LARGE1: variants seen among roughly 807,000 people sequenced by gnomAD.
LARGE1 encodes xylosyl- and glucuronyltransferase LARGE1.
Under a neutral mutation model 87.6 loss-of-function variants are expected in LARGE1, and 43 were observed. The observed-to-expected ratio is 0.49, with a 90% confidence interval of 0.38 to 0.63. The LOEUF is 0.63. Among genes scored for constraint, LARGE1 ranks in the 30% least tolerant of loss-of-function variants. The probability of loss-of-function intolerance (pLI) is 0.00; values close to 1 mark genes in which losing one functional copy is unlikely to be tolerated. For missense variants in LARGE1, 802 were observed against 1,000.2 expected, an observed-to-expected ratio of 0.80 and a Z score of 2.67; for synonymous variants, 434 against 394.6, an observed-to-expected ratio of 1.10 and a Z score of -1.18.
downstream of LARGE1, among the ~76,000 whole-genome samples, chr22:33,271,939 G>A (rs1928274604): frequency 6.6e-6 from 1 of 152,206 alleles, no homozygotes; most frequent in Non-Finnish European, 1.5e-5. Flanking sequence ...TAAATTCACT[G>A]TACGTGAAGG....
chr22:33,413,712 G>A (rs1339114075), intron 7 of LARGE1, among the ~76,000 whole-genome samples: 9 of 151,986 alleles, frequency 5.9e-5, no homozygotes, highest in Admixed American at 1.3e-4. Context: ...TGATCTGCCC[G>A]CCTCGGCCTC....
chr22:33,431,341 T>G (rs979106940), intron 7 of LARGE1, among the ~76,000 whole-genome samples: 1 of 152,138 alleles, frequency 6.6e-6, no homozygotes, highest in African/African-American at 2.4e-5. Context: ...GATGGATGAA[T>G]GAAGGACACC....
chr22:33,512,011 TGA>T, intron 6 of LARGE1, among the ~76,000 whole-genome samples: 1 of 152,266 alleles, frequency 6.6e-6, no homozygotes, highest in East Asian at 1.9e-4. Context: ...TGTAAAGCCA[TGA>T]TTTTTTTCCT....
At chr22:33,204,503 C>A (rs773364445) in intron 11 of LARGE1, among the ~76,000 whole-genome samples, 1 of 152,090 alleles carries the variant, frequency 6.6e-6, no homozygotes, top group Admixed American at 6.6e-5. Flanking sequence ...TCCTATAAAC[C>A]TCCACTCTCC....
chr22:33,304,613 T>G, intron 11 of LARGE1, 106 bp from the exon 12 acceptor site: 1 of 1,213,416 alleles, frequency 8.2e-7, no homozygotes, highest in Non-Finnish European at 1.1e-6. Context: ...CAACCAGCTG[T>G]GGATCAAATC....
At chr22:33,328,602 AAT>A (rs1200059385) in intron 10 of LARGE1, among the ~76,000 whole-genome samples, 3 of 150,494 alleles carry the variant, frequency 2.0e-5, no homozygotes, top group African/African-American at 7.3e-5. Context: ...TAATAATAAT[AAT>A]AATAAAATAA....
chr22:33,133,887 G>A, the LARGE1 span, among the ~76,000 whole-genome samples: 1 of 152,092 alleles, frequency 6.6e-6, no homozygotes, highest in Admixed American at 6.5e-5. Context: ...ATGTGTGCTG[G>A]GTTAAAGATG....
chr22:33,730,198 T>C (rs901037479), intron 2 of LARGE1, among the ~76,000 whole-genome samples: 2 of 152,212 alleles, frequency 1.3e-5, no homozygotes, highest in Non-Finnish European at 2.9e-5. Flanking sequence ...TATGATGATC[T>C]GCTTCTACTT....
intron 4 of LARGE1, among the ~76,000 whole-genome samples, chr22:33,609,192 C>T (rs1054068631): frequency 1.3e-4 from 20 of 152,162 alleles, no homozygotes; most frequent in East Asian, 1.9e-4. Flanking sequence ...AGGCAGCTTA[C>T]GATCTTGGAG....
At chr22:33,515,266 T>C (rs2071250288) in intron 6 of LARGE1, among the ~76,000 whole-genome samples, 1 of 152,212 alleles carries the variant, frequency 6.6e-6, no homozygotes, top group South Asian at 2.1e-4. Flanking sequence ...CCCTAGACTT[T>C]CGCTCCAAAT....
At chr22:33,681,353 G>C (rs1249416526) in intron 2 of LARGE1, among the ~76,000 whole-genome samples, 1 of 152,300 alleles carries the variant, frequency 6.6e-6, no homozygotes, top group Non-Finnish European at 1.5e-5. Flanking sequence ...GTTGTTAGGA[G>C]CAAGGAGTCA....
chr22:33,142,982 G>A, the LARGE1 span, among the ~76,000 whole-genome samples: 1 of 152,200 alleles, frequency 6.6e-6, no homozygotes, highest in African/African-American at 2.4e-5. Flanking sequence ...AAAATCTGTA[G>A]TGTCCTACAT....
intron 1 of LARGE1, among the ~76,000 whole-genome samples, chr22:33,913,426 G>A (rs928866764): frequency 3.3e-5 from 5 of 152,284 alleles, no homozygotes; most frequent in Admixed American, 6.5e-5. Context: ...TTAGGTTAGC[G>A]GTAATGACAG....
intron 2 of LARGE1, among the ~76,000 whole-genome samples, chr22:33,670,899 T>C (rs2081388698): frequency 6.6e-6 from 1 of 152,148 alleles, no homozygotes; most frequent in African/African-American, 2.4e-5. Flanking sequence ...AGGACATAAA[T>C]GCTTAATAAC....
chr22:33,498,671 C>G (rs2070275491), intron 6 of LARGE1, among the ~76,000 whole-genome samples: 1 of 152,114 alleles, frequency 6.6e-6, no homozygotes, highest in South Asian at 2.1e-4. Flanking sequence ...AGGGCGTGTT[C>G]TTTATAAAAA....
the LARGE1 span, among the ~76,000 whole-genome samples, chr22:33,092,088 C>G: frequency 6.6e-6 from 1 of 152,012 alleles, no homozygotes; most frequent in South Asian, 2.1e-4. Flanking sequence ...TTAGTAGAGA[C>G]AGGGTTTCAC....
the LARGE1 span, among the ~76,000 whole-genome samples, chr22:33,098,537 C>T: frequency 1.3e-5 from 2 of 152,268 alleles, no homozygotes; most frequent in South Asian, 2.1e-4. Flanking sequence ...AGGAGAATGG[C>T]GTGAACCCAG....
chr22:33,746,597 T>C (rs1001876504), intron 2 of LARGE1: 5 of 152,236 alleles, frequency 3.3e-5, no homozygotes, highest in South Asian at 2.1e-4. Context: ...TAGGCAATGT[T>C]ATTAGAGTCC....
intron 6 of LARGE1, among the ~76,000 whole-genome samples, chr22:33,503,002 GTC>G (rs1366018650): frequency 2.0e-5 from 3 of 152,152 alleles, no homozygotes; most frequent in Non-Finnish European, 4.4e-5. Context: ...AAAACCCAAG[GTC>G]ACTGAGGTGG....
Sources: gnomAD v4.1 joint callset for allele counts (sites outside exome capture counted in the v4.1 genomes callset) on GRCh38, gnomAD v4.1.1 for gene constraint, MANE v1.5 for transcripts, NCBI Gene and HGNC (gene_info 2026-07-23, HGNC 2026-07-21) for gene names.